The following SCAPER variants were observed in gnomAD, a reference collection of about 807,000 sequenced individuals.
The protein encoded by SCAPER is S-phase cyclin A associated protein in the ER, also known as S phase cyclin A-associated protein in the endoplasmic reticulum.
A neutral mutation model predicts 182.2 loss-of-function variants in SCAPER; 98 were observed. The ratio of observed to expected loss-of-function variants is 0.54; its 90% CI spans 0.46 to 0.64. The LOEUF (loss-of-function observed/expected upper bound fraction) is 0.64. SCAPER is among the 30% of genes least tolerant of loss of function. The probability of loss-of-function intolerance (pLI) is 0.00; values close to 1 mark genes in which losing one functional copy is unlikely to be tolerated. For missense variants in SCAPER, 1,432 were observed against 1,690.0 expected, an observed-to-expected ratio of 0.85 and a Z score of 2.68; for synonymous variants, 605 against 564.6, an observed-to-expected ratio of 1.07 and a Z score of -1.01.
At chr15:76,554,718 C>T (rs1345247674) in intron 23 of SCAPER, among the ~76,000 whole-genome samples, 1 of 150,260 alleles carries the variant, frequency 6.7e-6, no homozygotes, top group African/African-American at 2.4e-5. Flanking sequence ...GGAATCACAT[C>T]AGGGTAACAG....
rs184944020 is a variant in SCAPER at position 76,593,232 on chromosome 15, T to C, written c.2712-18948A>G. ...AAGTTCGAGCTGGGTGGAGGCATCATAGCTCCGCAAAGCTGCTATAGCCAG... is the reference window on the plus strand; with the variant it reads ...AAGTTCGAGCTGGGTGGAGGCATCACAGCTCCGCAAAGCTGCTATAGCCAG... On this transcript the variant is annotated intron_variant, in intron 22 of 31. Coordinates refer to ENST00000563290, the MANE Select transcript of SCAPER (RefSeq NM_020843.4). Among the ~76,000 whole-genome samples, 12 of 121,372 alleles carry C rather than the reference T, an allele frequency of 9.9e-5. 4 individuals are homozygous for C. The East Asian group carries it at 2.7e-3, about 27-fold the overall frequency. The allele number at this position is 121,372 out of a possible 152,430, so 79.6% of individuals were successfully genotyped here. A position where few individuals can be genotyped will look rare whatever the true frequency, so the allele number is the denominator to read the frequency against.
intron 27 of SCAPER, among the ~76,000 whole-genome samples, chr15:76,393,858 C>A (rs2142041239): frequency 6.6e-6 from 1 of 152,328 alleles, no homozygotes. Flanking sequence ...AGAGACCCCA[C>A]ATGGAAAGAC....
At chr15:76,357,779 A>T (rs758826653) in intron 29 of SCAPER, among the ~76,000 whole-genome samples, 4 of 152,258 alleles carry the variant, frequency 2.6e-5, no homozygotes, top group Non-Finnish European at 5.9e-5. Flanking sequence ...AAAAAAAATG[A>T]AATCATGTCT....
intron 23 of SCAPER, among the ~76,000 whole-genome samples, chr15:76,521,456 G>A (rs1316511337): frequency 6.6e-6 from 1 of 151,968 alleles, no homozygotes; most frequent in Non-Finnish European, 1.5e-5. Context: ...GGTGGGGAGA[G>A]AGGATCTCTG....
intron 23 of SCAPER, chr15:76,567,281 T>C (rs574268219): frequency 4.2e-5 from 19 of 449,560 alleles, no homozygotes; most frequent in Non-Finnish European, 7.1e-5. Flanking sequence ...ATAATTTGTA[T>C]CTCCAGCTGT....
intron 22 of SCAPER, among the ~76,000 whole-genome samples, chr15:76,615,041 C>A (rs1302923179): frequency 6.6e-6 from 1 of 152,072 alleles, no homozygotes; most frequent in African/African-American, 2.4e-5. Context: ...TTCCTAGAAA[C>A]CCAAAATATG....
At chr15:76,458,825 T>G (rs1293728370) in intron 25 of SCAPER, among the ~76,000 whole-genome samples, 1 of 152,202 alleles carries the variant, frequency 6.6e-6, no homozygotes, top group East Asian at 1.9e-4. Context: ...TCTGCCCCTG[T>G]CACCACACAC....
intron 14 of SCAPER, among the ~76,000 whole-genome samples, chr15:76,757,522 AG>A (rs1462524335): frequency 6.6e-6 from 1 of 152,010 alleles, no homozygotes; most frequent in East Asian, 1.9e-4. Flanking sequence ...GCAGACATTT[AG>A]GTTGTTTCCA....
At chr15:76,450,211 C>T (rs1051625623) in intron 25 of SCAPER, among the ~76,000 whole-genome samples, 1 of 152,062 alleles carries the variant, frequency 6.6e-6, no homozygotes, top group Non-Finnish European at 1.5e-5. Context: ...GAAAAGGGCA[C>T]TCAAAAGTGG....
intron 4 of SCAPER, among the ~76,000 whole-genome samples, chr15:76,854,691 A>C (rs1470188325): frequency 1.3e-5 from 2 of 151,358 alleles, no homozygotes; most frequent in African/African-American, 4.9e-5. Flanking sequence ...CGGGCACGGT[A>C]GCTCACACCT....
At chr15:76,527,174 C>G (rs1244060290) in intron 23 of SCAPER, among the ~76,000 whole-genome samples, 5 of 152,188 alleles carry the variant, frequency 3.3e-5, no homozygotes, top group Non-Finnish European at 7.3e-5. Flanking sequence ...TCACGCCCAA[C>G]CCAGACAGTT....
At position 76,599,973 on chromosome 15, in the gene SCAPER, T is replaced by A. The variant is rs1190508889; in HGVS notation, c.2711+21791A>T. Among the ~76,000 whole-genome samples the A allele has an allele frequency of 3.3e-5, 4 of 121,522 alleles. 1 individual carries two copies. The highest frequency in any genetic ancestry group is 8.0e-5 in the Non-Finnish European group (4 of 50,046). The allele number at this position is 121,522 out of a possible 152,430, so 79.7% of individuals were successfully genotyped here. A position where few individuals can be genotyped will look rare whatever the true frequency, so the allele number is the denominator to read the frequency against. On this transcript the variant is annotated intron_variant, in intron 22 of 31. Coordinates refer to ENST00000563290, the MANE Select transcript of SCAPER (RefSeq NM_020843.4). Reference sequence around the variant, plus strand: ...TGAACTTGAGTTAATAACATGCATGTTGAAATACTGGAGGAGGAATATACT... The same window carrying A: ...TGAACTTGAGTTAATAACATGCATGATGAAATACTGGAGGAGGAATATACT...
At chr15:76,732,783 T>C (rs867459317) in intron 16 of SCAPER, among the ~76,000 whole-genome samples, 2 of 152,230 alleles carry the variant, frequency 1.3e-5, no homozygotes, top group Non-Finnish European at 1.5e-5. Flanking sequence ...TCCTGTACAC[T>C]TGGCTCTGCC....
chr15:76,495,361 T>C (rs891297353), intron 24 of SCAPER, among the ~76,000 whole-genome samples: 1 of 152,042 alleles, frequency 6.6e-6, no homozygotes, highest in African/African-American at 2.4e-5. Flanking sequence ...GTGGATCACC[T>C]GAGGTCAGGA....
chr15:76,711,902 A>C (rs908146119), intron 17 of SCAPER, among the ~76,000 whole-genome samples: 8 of 152,012 alleles, frequency 5.3e-5, no homozygotes, highest in African/African-American at 1.9e-4. Flanking sequence ...GTTCACTCTG[A>C]TGGCAGTTTC....
At chr15:76,657,866 C>T (rs1233345097) in intron 21 of SCAPER, among the ~76,000 whole-genome samples, 6 of 152,128 alleles carry the variant, frequency 3.9e-5, no homozygotes, top group Admixed American at 6.6e-5. Context: ...AATTCAACAT[C>T]GCTTCATGTT....
intron 21 of SCAPER, among the ~76,000 whole-genome samples, chr15:76,641,219 CTG>C (rs1315670844): frequency 1.3e-5 from 2 of 152,190 alleles, no homozygotes; most frequent in African/African-American, 4.8e-5. Context: ...TATGGAAAGA[CTG>C]TGTTTCTGTT....
At chr15:76,365,244 G>C (rs1393463861) in intron 29 of SCAPER, among the ~76,000 whole-genome samples, 1 of 152,226 alleles carries the variant, frequency 6.6e-6, no homozygotes, top group South Asian at 2.1e-4. Flanking sequence ...GTTTGACACA[G>C]TGTGGGCATT....
chr15:76,770,916 C>T (rs1226636293), intron 10 of SCAPER, among the ~76,000 whole-genome samples: 1 of 151,900 alleles, frequency 6.6e-6, no homozygotes, highest in Non-Finnish European at 1.5e-5. Context: ...TTACTATAAC[C>T]TTTTCCTTTT....
Sources: gnomAD v4.1 joint callset for allele counts (sites outside exome capture counted in the v4.1 genomes callset) on GRCh38, gnomAD v4.1.1 for gene constraint, MANE v1.5 for transcripts, NCBI Gene and HGNC (gene_info 2026-07-23, HGNC 2026-07-21) for gene names.